EIF3H: variants seen among roughly 807,000 people sequenced by gnomAD.
EIF3H encodes eIF-3-gamma.
Under a neutral mutation model 44.2 loss-of-function variants are expected in EIF3H, and 26 were observed. The ratio of observed to expected loss-of-function variants is 0.59; its 90% CI spans 0.43 to 0.82. The LOEUF is 0.82. EIF3H is among the 40% of genes least tolerant of loss of function. The probability of loss-of-function intolerance (pLI) is 0.00; values close to 1 mark genes in which losing one functional copy is unlikely to be tolerated. For synonymous variants in EIF3H, 166 were observed against 151.9 expected (o/e 1.09, Z -0.68); for missense variants, 359 against 432.8 (o/e 0.83, Z 1.51).
chr8:116,675,901 T>C (rs1813839247), intron 2 of EIF3H, among the ~76,000 whole-genome samples: 1 of 152,184 alleles, frequency 6.6e-6, no homozygotes, highest in Non-Finnish European at 1.5e-5. Flanking sequence ...AGAAAACACA[T>C]AACCAATCTT....
intron 2 of EIF3H, among the ~76,000 whole-genome samples, chr8:116,718,284 A>G (rs749596504): frequency 1.3e-5 from 2 of 152,176 alleles, no homozygotes; most frequent in Non-Finnish European, 2.9e-5. Context: ...AAACTAGTAG[A>G]ATGACTATGG....
At chr8:116,727,203 G>T (rs1814858217) in intron 1 of EIF3H, among the ~76,000 whole-genome samples, 1 of 152,220 alleles carries the variant, frequency 6.6e-6, no homozygotes, top group South Asian at 2.1e-4. Flanking sequence ...CAGCCACACG[G>T]ATGGTGAAGA....
chr8:116,678,184 G>A (rs1311625338), intron 2 of EIF3H, among the ~76,000 whole-genome samples: 4 of 152,022 alleles, frequency 2.6e-5, no homozygotes, highest in African/African-American at 9.6e-5. Flanking sequence ...TGGTGGAGAC[G>A]GGGTTTTGCT....
chr8:116,656,125 TA>T (rs771153235), intron 4 of EIF3H, 120 bp from the exon 5 acceptor site: 66,441 of 555,396 alleles, frequency 0.12, no homozygotes, highest in Middle Eastern at 0.16. Flanking sequence ...TTAGCACTCT[TA>T]AAAAAAAAAA....
At chr8:116,659,472 T>C (rs561800325) in intron 2 of EIF3H, among the ~76,000 whole-genome samples, 2 of 152,332 alleles carry the variant, frequency 1.3e-5, no homozygotes, top group East Asian at 1.9e-4. Flanking sequence ...ACACTGCTTA[T>C]ATATGAAGAG....
chr8:116,648,092 C>T (rs1813334696), intron 6 of EIF3H, among the ~76,000 whole-genome samples: 1 of 152,108 alleles, frequency 6.6e-6, no homozygotes, highest in Non-Finnish European at 1.5e-5. Flanking sequence ...CTATATTTAA[C>T]AAAGCTCTGT....
chr8:116,755,570 A>C lies in EIF3H; in HGVS notation c.132+96T>G, dbSNP rs1815426423. 4 of 1,545,516 alleles carry C rather than the reference A, an allele frequency of 2.6e-6. No homozygotes were observed. In the African/African-American group the frequency reaches 4.1e-5, roughly 16 times the overall value. ...GGAAAAACTTTGGCCCAGCCACACC[A>C]AGCCCAAGGGGGAGAATGCTAGAAA... On this transcript the variant is annotated intron_variant, in intron 1 of 7. Transcript: ENST00000521861.
At chr8:116,649,123 A>C (rs1813350526) in intron 5 of EIF3H, among the ~76,000 whole-genome samples, 197 bp from the exon 6 acceptor site, 1 of 152,220 alleles carries the variant, frequency 6.6e-6, no homozygotes, top group Non-Finnish European at 1.5e-5. Context: ...TTCCAACTAT[A>C]ATCTCAGGGA....
intron 2 of EIF3H, among the ~76,000 whole-genome samples, chr8:116,720,492 G>A (rs886611615): frequency 6.6e-6 from 1 of 152,078 alleles, no homozygotes; most frequent in Non-Finnish European, 1.5e-5. Context: ...CCATGTCTCA[G>A]GTATGTCTTT....
chr8:116,695,105 G>A (rs1814246651), intron 2 of EIF3H, among the ~76,000 whole-genome samples: 1 of 136,588 alleles, frequency 7.3e-6, no homozygotes, highest in African/African-American at 2.8e-5. Context: ...GTCTCACCCT[G>A]TCGCCCAGGC....
intron 2 of EIF3H, among the ~76,000 whole-genome samples, chr8:116,721,013 G>A (rs989176885): frequency 1.3e-5 from 2 of 152,068 alleles, no homozygotes; most frequent in Non-Finnish European, 2.9e-5. Context: ...GCAGAAATTT[G>A]CATAATGAGG....
chr8:116,733,415 T>C (rs908805598), intron 1 of EIF3H, among the ~76,000 whole-genome samples: 14 of 152,198 alleles, frequency 9.2e-5, no homozygotes, highest in Non-Finnish European at 1.9e-4. Flanking sequence ...CTCTTTTGGG[T>C]GACCTGCTCC....
chr8:116,648,806 C>A lies in EIF3H; in HGVS notation c.828G>T (p.Gln276His). ...NTSKQQQQKH[Q>H]YQQRRQQENM... ...TGTTGAATTTTTCCACAATACCAAC[C>A]TGATGTTTCTGCTGCTGTTGTTTAC... Residue 276 changes from glutamine (Q) to histidine (H), a missense_variant and splice_region_variant, in exon 6 of 8, where the codon CAG becomes CAT. Around this residue, in one of 5 missense-constraint regions of EIF3H, gnomAD observed 30 missense variants for 59.5 expected, o/e 0.50. Coordinates refer to ENST00000521861, the MANE Select transcript of EIF3H (RefSeq NM_003756.3). 1.3e-6 allele frequency: 2 copies of A among 1,598,838 alleles called. No individual in the cohort carries two copies. Among genetic ancestry groups the A allele is most frequent in the Admixed American group, 1.7e-5 (1 of 57,584 alleles).
chr8:116,730,040 A>G (rs78725282), intron 1 of EIF3H, among the ~76,000 whole-genome samples: 3,051 of 152,320 alleles, frequency 0.02, 54 homozygotes, highest in Non-Finnish European at 0.028. Context: ...GGAAAAAATC[A>G]CTATTATCAA....
At chr8:116,667,607 G>A (rs1283855934) in intron 2 of EIF3H, among the ~76,000 whole-genome samples, 1 of 152,170 alleles carries the variant, frequency 6.6e-6, no homozygotes, top group Non-Finnish European at 1.5e-5. Flanking sequence ...AGATCTATCA[G>A]AAGTGAGCAC....
At position 116,736,527 on chromosome 8, in the gene EIF3H, T is replaced by C. The variant is rs189046244; in HGVS notation, c.133-10355A>G. 2.0e-5 allele frequency among the ~76,000 whole-genome samples: 3 copies of C among 152,244 alleles called. No individual in the cohort carries two copies. The East Asian group carries it at 5.8e-4, about 29-fold the overall frequency. On this transcript the variant is annotated intron_variant, in intron 1 of 7. Transcript: ENST00000521861. ...ATACAAAAAAATTAGCTGGGCGTGG[T>C]GGCACGCGCCTATAGTTCCAGCTAC...
At chr8:116,685,323 G>C (rs1814057775) in intron 2 of EIF3H, among the ~76,000 whole-genome samples, 1 of 152,170 alleles carries the variant, frequency 6.6e-6, no homozygotes, top group Admixed American at 6.5e-5. Context: ...GTGTTAAACA[G>C]TAAAAGCATA....
At chr8:116,712,773 C>T (rs1360610391) in intron 2 of EIF3H, among the ~76,000 whole-genome samples, 1 of 151,976 alleles carries the variant, frequency 6.6e-6, no homozygotes, top group Non-Finnish European at 1.5e-5. Flanking sequence ...ACTTTACTGG[C>T]ATAACTAAGA....
intron 2 of EIF3H, among the ~76,000 whole-genome samples, chr8:116,676,890 G>A (rs1813858385): frequency 1.3e-5 from 2 of 152,000 alleles, no homozygotes; most frequent in Admixed American, 6.6e-5. Flanking sequence ...AAGCCACTGT[G>A]TCCCCAGCAC....
Sources: gnomAD v4.1 joint callset for allele counts (sites outside exome capture counted in the v4.1 genomes callset) on GRCh38, gnomAD v4.1.1 for gene constraint, gnomAD v4.1.1 regional missense constraint, MANE v1.5 for transcripts, NCBI Gene and HGNC (gene_info 2026-07-23, HGNC 2026-07-21) for gene names.